DAB1: variants seen among roughly 807,000 people sequenced by gnomAD.
DAB1 encodes the protein DAB adaptor protein 1.
DAB1 carries 15 observed loss-of-function variants against 64.6 expected under a neutral mutation model. That is an observed-to-expected ratio of 0.23 (90% confidence interval 0.16 to 0.36). The LOEUF (loss-of-function observed/expected upper bound fraction) is 0.36. Among genes scored for constraint, DAB1 ranks in the 10% least tolerant of loss-of-function variants. The pLI is 1.00. For missense variants in DAB1, 596 were observed against 706.7 expected (o/e 0.84, Z 1.78); for synonymous variants, 235 against 251.9 (o/e 0.93, Z 0.64).
intron 4 of DAB1, among the ~76,000 whole-genome samples, chr1:57,099,362 T>C (rs2100686217): frequency 6.6e-6 from 1 of 152,338 alleles, no homozygotes; most frequent in Admixed American, 6.5e-5. Flanking sequence ...AAATGTTTGA[T>C]AAATGTCAGC....
intron 4 of DAB1, among the ~76,000 whole-genome samples, chr1:58,158,338 T>C (rs1006581960): frequency 6.6e-5 from 10 of 152,166 alleles, no homozygotes; most frequent in Non-Finnish European, 1.0e-4. Flanking sequence ...AGGAAAGCTA[T>C]ACAGAGCAGA....
At chr1:58,506,787 T>C (rs1282227920) in intron 2 of DAB1, among the ~76,000 whole-genome samples, 2 of 152,150 alleles carry the variant, frequency 1.3e-5, no homozygotes, top group African/African-American at 4.8e-5. Context: ...AGAGATGACA[T>C]GTTTATTATG....
At chr1:57,943,764 A>G (rs1645138240) in intron 5 of DAB1, among the ~76,000 whole-genome samples, 1 of 152,106 alleles carries the variant, frequency 6.6e-6, no homozygotes, top group East Asian at 1.9e-4. Flanking sequence ...GTAATTACCT[A>G]AATCACCCTC....
intron 9 of DAB1, among the ~76,000 whole-genome samples, chr1:57,032,886 G>A (rs574639009): frequency 3.3e-5 from 5 of 152,230 alleles, no homozygotes; most frequent in South Asian, 4.2e-4. Context: ...TAGCAACCTC[G>A]CCTGTTTTTT....
At chr1:57,329,680 A>AC (rs35546716) in intron 1 of DAB1, among the ~76,000 whole-genome samples, 13,657 of 141,320 alleles carry the variant, frequency 0.097, 898 homozygotes, top group African/African-American at 0.15. Context: ...AAAAAAAAAA[A>AC]CCCACAAAAC....
chr1:57,521,497 AGC>A (rs1644526189), intron 7 of DAB1, among the ~76,000 whole-genome samples: 1 of 152,182 alleles, frequency 6.6e-6, no homozygotes, highest in African/African-American at 2.4e-5. Context: ...GAAAGCTATA[AGC>A]AAGCTTTGAA....
intron 4 of DAB1, among the ~76,000 whole-genome samples, chr1:58,217,195 A>C (rs6666775): frequency 0.013 from 1,969 of 152,344 alleles, 35 homozygotes; most frequent in African/African-American, 0.046. Context: ...AAAAAAGAAA[A>C]TGGAAGTTGG....
chr1:58,345,055 C>G (rs904721582), intron 3 of DAB1, among the ~76,000 whole-genome samples: 10 of 152,150 alleles, frequency 6.6e-5, no homozygotes, highest in Admixed American at 5.9e-4. Context: ...CCCCTTCAGC[C>G]CACCTTCCAC....
chr1:58,535,093 G>C (rs1646495684), intron 1 of DAB1, among the ~76,000 whole-genome samples: 5 of 152,092 alleles, frequency 3.3e-5, no homozygotes. Flanking sequence ...TTAATTTTAA[G>C]GTGTTTTACT....
chr1:57,280,285 A>T (rs138937497), intron 2 of DAB1, among the ~76,000 whole-genome samples: 23 of 152,150 alleles, frequency 1.5e-4, no homozygotes, highest in Non-Finnish European at 2.5e-4. Context: ...TCTGCCTTTG[A>T]TCTATGTGTG....
chr1:58,344,082 ATT>A (rs1037650978), intron 3 of DAB1, among the ~76,000 whole-genome samples: 2 of 152,084 alleles, frequency 1.3e-5, no homozygotes, highest in Non-Finnish European at 2.9e-5. Flanking sequence ...ACCAACCTGG[ATT>A]TGAATCCTGC....
intron 2 of DAB1, among the ~76,000 whole-genome samples, chr1:57,231,077 AG>A (rs1225760085): frequency 6.6e-6 from 1 of 152,184 alleles, no homozygotes; most frequent in Non-Finnish European, 1.5e-5. Context: ...ATTGATATAT[AG>A]GCAACCTTGT....
intron 4 of DAB1, among the ~76,000 whole-genome samples, chr1:58,211,868 C>A (rs1231205700): frequency 6.6e-6 from 1 of 152,100 alleles, no homozygotes; most frequent in Non-Finnish European, 1.5e-5. Flanking sequence ...TCACTGCCTG[C>A]AACAGACACA....
chr1:57,256,528 G>A (rs1189297904), intron 2 of DAB1, among the ~76,000 whole-genome samples: 2 of 151,772 alleles, frequency 1.3e-5, no homozygotes, highest in Middle Eastern at 3.4e-3. Flanking sequence ...TCAGCACCAC[G>A]CTCAGATACA....
At chr1:57,686,725 T>C (rs1265887405) in intron 6 of DAB1, among the ~76,000 whole-genome samples, 5 of 152,178 alleles carry the variant, frequency 3.3e-5, no homozygotes, top group Admixed American at 1.3e-4. Flanking sequence ...AGGCTTTATT[T>C]CTGGGATGCA....
chr1:58,195,303 C>A (rs11799299), intron 4 of DAB1, among the ~76,000 whole-genome samples: 28,796 of 151,736 alleles, frequency 0.19, 2,923 homozygotes, highest in East Asian at 0.37. Flanking sequence ...CAAGACAGCT[C>A]CAGAAGAAAG....
chr1:57,324,714 G>A (rs756296239), intron 1 of DAB1, among the ~76,000 whole-genome samples: 12 of 151,830 alleles, frequency 7.9e-5, no homozygotes, highest in African/African-American at 2.4e-4. Context: ...CCCCACATCC[G>A]CTTTCTTTCT....
chr1:58,185,523 G>A (rs1435381966), intron 4 of DAB1, among the ~76,000 whole-genome samples: 1 of 152,146 alleles, frequency 6.6e-6, no homozygotes, highest in Non-Finnish European at 1.5e-5. Flanking sequence ...ATAAGGTCTT[G>A]TTTCATGCTG....
intron 3 of DAB1, among the ~76,000 whole-genome samples, chr1:58,499,234 G>A (rs1645855957): frequency 6.6e-6 from 1 of 150,536 alleles, no homozygotes; most frequent in African/African-American, 2.4e-5. Flanking sequence ...GCTGGGGATC[G>A]GGGAGTAGGA....
Sources: allele counts gnomAD v4.1 joint callset (sites outside exome capture counted in the v4.1 genomes callset), GRCh38; gene constraint gnomAD v4.1.1; transcripts MANE v1.5; gene names NCBI Gene and HGNC (gene_info 2026-07-23, HGNC 2026-07-21).